Variants in SRCIN1 observed in about 807,000 individuals in gnomAD.
The protein encoded by SRCIN1 is SRC kinase signaling inhibitor 1.
A neutral mutation model predicts 116.2 loss-of-function variants in SRCIN1; 50 were observed. That is an observed-to-expected ratio of 0.43 (90% CI 0.34 to 0.54). The LOEUF (loss-of-function observed/expected upper bound fraction) is 0.54. SRCIN1 is among the 20% of genes least tolerant of loss of function. SRCIN1 has a pLI of 0.02. For missense variants in SRCIN1, 1,446 were observed against 1,672.0 expected (o/e 0.86, Z 2.36); for synonymous variants, 736 against 750.0 (o/e 0.98, Z 0.30).
chr17:38,559,705 G>C lies in SRCIN1; in HGVS notation c.1905C>G (p.Ser635Arg). Residue 635 changes from serine (S) to arginine (R), a missense_variant, in exon 10 of 19, where the codon AGC becomes AGG. Physicochemically the swap from Ser to Arg is moderately radical, Grantham distance 110. Transcript: ENST00000617146. Reference sequence around the variant, plus strand: ...CGGTAGGCTGACCTGCGGGGGTGCTGCTGGCCGAGGGCGGGGGCGGGCCGG... The same window carrying C: ...CGGTAGGCTGACCTGCGGGGGTGCTCCTGGCCGAGGGCGGGGGCGGGCCGG... ...PVSGPPPPSA[S>R]STPAGQPTAV... 6.3e-7 allele frequency: 1 copy of C among 1,585,942 alleles called. No individual in the cohort carries two copies. The highest frequency in any genetic ancestry group is 1.1e-5 in the South Asian group (1 of 89,218).
intron 7 of SRCIN1, among the ~76,000 whole-genome samples, chr17:38,560,714 C>T (rs1186217844): frequency 2.0e-5 from 3 of 152,206 alleles, no homozygotes; most frequent in African/African-American, 7.2e-5. Flanking sequence ...CCACAGACCC[C>T]AGGGGCCCCG....
chr17:38,548,774 A>G (rs1024791188), intron 16 of SRCIN1, 65 bp from the exon 17 acceptor site: 12 of 1,475,688 alleles, frequency 8.1e-6, no homozygotes, highest in East Asian at 2.4e-5. Flanking sequence ...CTCACCTCCC[A>G]GGCCCCATCG....
At chr17:38,596,113 C>T (rs1396307188) in intron 1 of SRCIN1, among the ~76,000 whole-genome samples, 5 of 152,198 alleles carry the variant, frequency 3.3e-5, no homozygotes, top group Admixed American at 2.0e-4. Context: ...GCTTCCCTCC[C>T]GCCGCACGCT....
At chr17:38,546,078 C>G (rs1437130370) in intron 17 of SRCIN1, among the ~76,000 whole-genome samples, 3 of 152,184 alleles carry the variant, frequency 2.0e-5, no homozygotes, top group East Asian at 3.9e-4. Context: ...GGCACCTGCT[C>G]CGGTGCCAGC....
At chr17:38,556,798 G>A (rs1905837441) in intron 11 of SRCIN1, among the ~76,000 whole-genome samples, 1 of 152,208 alleles carries the variant, frequency 6.6e-6, no homozygotes, top group Non-Finnish European at 1.5e-5. Context: ...GAGAACCAAG[G>A]CCTTCAGGGA....
At chr17:38,547,821 TG>T in intron 17 of SRCIN1, 1 of 139,754 alleles carries the variant, frequency 7.2e-6, no homozygotes, top group Non-Finnish European at 1.4e-5. Context: ...GACAGCAAGG[TG>T]GGGATCAGCT....
rs962084930 is a variant in SRCIN1 at position 38,568,745 on chromosome 17, T to C, written c.325-514A>G. ...ATTGGCTGGGGCGCAGCTGGGAAAG[T>C]AGCAGATTAGGCTGCAAAGGGTGGG... On this transcript the variant is annotated intron_variant, in intron 2 of 18. Transcript: ENST00000617146. This position sits in a 1 kb window ranked among gnomAD's most constrained non-coding sequence, Gnocchi z 4.5. Among the ~76,000 whole-genome samples the C allele has an allele frequency of 8.6e-5, 13 of 152,006 alleles. No individual in the cohort carries two copies. The highest frequency in any genetic ancestry group is 2.7e-4 in the African/African-American group (11 of 41,374).
chr17:38,540,772 T>TGAGA (rs1555604860), intron 18 of SRCIN1, among the ~76,000 whole-genome samples: 10 of 149,210 alleles, frequency 6.7e-5, no homozygotes, highest in African/African-American at 2.2e-4. Flanking sequence ...TGTGTGTGTG[T>TGAGA]GACACACACA....
At chr17:38,567,440 A>T (rs1906797926) in intron 3 of SRCIN1, among the ~76,000 whole-genome samples, 1 of 152,088 alleles carries the variant, frequency 6.6e-6, no homozygotes, top group South Asian at 2.1e-4. Context: ...TGACTCCATG[A>T]TTCTCTGATT....
At chr17:38,606,048 G>C (rs1244253128), upstream of SRCIN1, 1 of 146,296 alleles carries the variant, frequency 6.8e-6, no homozygotes, top group Non-Finnish European at 1.5e-5. This position sits in a 1 kb window ranked among gnomAD's most constrained non-coding sequence, Gnocchi z 5.2. Context: ...GGGCCGCCCG[G>C]GGCGGCGGGG....
At chr17:38,566,210 A>C (rs1033781438) in intron 3 of SRCIN1, among the ~76,000 whole-genome samples, 4 of 152,274 alleles carry the variant, frequency 2.6e-5, no homozygotes, top group African/African-American at 9.6e-5. Context: ...ACAGGGGTCC[A>C]AATGAAGGGA....
At chr17:38,597,948 CT>C (rs764144141) in intron 1 of SRCIN1, among the ~76,000 whole-genome samples, 1 of 152,082 alleles carries the variant, frequency 6.6e-6, no homozygotes, top group African/African-American at 2.4e-5. Flanking sequence ...TTTTCCTGAG[CT>C]TTATCTTTAG....
intron 1 of SRCIN1, among the ~76,000 whole-genome samples, chr17:38,579,383 T>A (rs1907643293): frequency 6.6e-6 from 1 of 151,982 alleles, no homozygotes; most frequent in East Asian, 1.9e-4. Flanking sequence ...AGGGCAAAAA[T>A]CGCTCTCAGG....
At chr17:38,599,711 ACCCTTAT>A (rs1908918521) in intron 1 of SRCIN1, among the ~76,000 whole-genome samples, 1 of 152,044 alleles carries the variant, frequency 6.6e-6, no homozygotes, top group African/African-American at 2.4e-5. Context: ...CAGCCTCCAC[ACCCTTAT>A]GTTTGCCCAC....
chr17:38,555,530 T>A (rs754205495), intron 11 of SRCIN1, among the ~76,000 whole-genome samples: 11 of 152,228 alleles, frequency 7.2e-5, no homozygotes, highest in Non-Finnish European at 1.5e-4. Context: ...GGAGCTTATT[T>A]GTTATAGGAA....
In SRCIN1 at chr17:38,568,304, A is replaced by C; in HGVS notation, c.325-73T>G. The C allele has an allele frequency of 6.6e-7, 1 of 1,517,578 alleles. No individual in the cohort carries two copies. 94.0% of individuals were successfully genotyped at this position (1,517,578 alleles called of 1,614,324 possible). ...GGGAAAAGAGGGGCAGGGGCAGGTT[A>C]GAGACCCTTGGAACTCAGCACTCAG... On this transcript the variant is annotated intron_variant, in intron 2 of 18. Coordinates refer to ENST00000617146, the MANE Select transcript of SRCIN1 (RefSeq NM_025248.3). The surrounding 1 kb of genome is among the most constrained non-coding windows in gnomAD (Gnocchi z 4.5).
intron 17 of SRCIN1, chr17:38,545,276 C>T (rs1165685587): frequency 6.5e-6 from 1 of 152,878 alleles, no homozygotes; most frequent in Non-Finnish European, 1.5e-5. Context: ...TCCCCCACTA[C>T]CCCTGGTGGG....
rs1460662898 is a variant in SRCIN1 at position 38,563,421 on chromosome 17, G to A, written c.642C>T (p.Phe214=). The A allele has an allele frequency of 1.3e-6, 2 of 1,570,488 alleles. No homozygotes were observed. The highest frequency in any genetic ancestry group is 1.8e-5 in the Admixed American group (1 of 54,148). ...GCATGCCCATGGTGAGCTTCTGCGG[G>A]AACATGTGCGCGATGAGTGCGTGCA... ...DTLHALIAHM[F]PQKLTMGMLK... is the part of the protein sequence containing the mutation. The change falls in exon 5 of 19, where the codon TTC becomes TTT. Residue 214 remains phenylalanine (F), a synonymous_variant. Transcript: ENST00000617146. This position sits in a 1 kb window ranked among gnomAD's most constrained non-coding sequence, Gnocchi z 5.8.
At chr17:38,577,141 T>G (rs920102117) in intron 2 of SRCIN1, among the ~76,000 whole-genome samples, 1 of 152,162 alleles carries the variant, frequency 6.6e-6, no homozygotes, top group Admixed American at 6.5e-5. Context: ...TAAGCCTGAT[T>G]TAGATACCTC....
Sources: allele counts gnomAD v4.1 joint callset (sites outside exome capture counted in the v4.1 genomes callset), GRCh38; gene constraint gnomAD v4.1.1; non-coding constraint Gnocchi (gnomAD v3.1); transcripts MANE v1.5; gene names NCBI Gene and HGNC (gene_info 2026-07-23, HGNC 2026-07-21).